KAT14: variants seen among roughly 807,000 people sequenced by gnomAD.
The protein encoded by KAT14 is cysteine-rich protein 2-binding protein.
KAT14 carries 66 observed loss-of-function variants against 78.4 expected under a neutral mutation model. That is an observed-to-expected ratio of 0.84 (90% CI 0.69 to 1.03). The LOEUF (loss-of-function observed/expected upper bound fraction) is 1.03. Among genes scored for constraint, KAT14 ranks in the 50% least tolerant of loss-of-function variants. The probability of loss-of-function intolerance (pLI) is 0.00; values close to 1 mark genes in which losing one functional copy is unlikely to be tolerated. For synonymous variants in KAT14, 344 were observed against 359.4 expected (o/e 0.96, Z 0.48); for missense variants, 870 against 972.5 (o/e 0.89, Z 1.40).
intron 2 of KAT14, among the ~76,000 whole-genome samples, chr20:18,144,940 T>A (rs2146349485): frequency 6.6e-6 from 1 of 152,344 alleles, no homozygotes; most frequent in Middle Eastern, 3.4e-3. Flanking sequence ...TGAAGAGACC[T>A]GCCTCTGGGA....
intron 4 of KAT14, among the ~76,000 whole-genome samples, chr20:18,157,688 A>G (rs2038273798): frequency 6.6e-6 from 1 of 152,182 alleles, no homozygotes; most frequent in African/African-American, 2.4e-5. Context: ...TACTTCATAT[A>G]TGTAGAACCA....
chr20:18,181,820 C>G lies in KAT14; in HGVS notation c.1779C>G (p.Thr593=). 6.2e-7 allele frequency: 1 copy of G among 1,614,106 alleles called. No homozygotes were observed. The highest frequency in any genetic ancestry group is 1.7e-5 in the Admixed American group (1 of 60,010). The stretch of plus-strand genomic sequence containing the variant: ...ACCAGAGTATTGTCAGCCCTTATAC[C>G]TCTCGGATCTTGAAACCTTATATCA... ...AVDQSIVSPY[T]SRILKPYIRR... Residue 593 remains threonine (T), a synonymous_variant, in exon 8 of 11, where the codon ACC becomes ACG. Coordinates refer to ENST00000688188, the MANE Select transcript of KAT14 (RefSeq NM_001392073.1).
chr20:18,151,385 C>T (rs558908043), intron 4 of KAT14, among the ~76,000 whole-genome samples: 7 of 151,870 alleles, frequency 4.6e-5, no homozygotes, highest in Admixed American at 1.3e-4. Context: ...TTAGTAGAGA[C>T]GGGGTTTCAC....
At chr20:18,145,469 T>G in intron 3 of KAT14, 118 bp downstream of exon 3, 1 of 1,410,412 alleles carries the variant, frequency 7.1e-7, no homozygotes, top group Non-Finnish European at 9.7e-7. Context: ...ACTTTTTATT[T>G]CGCAATGAAA....
chr20:18,161,477 A>C (rs975166213), intron 5 of KAT14, among the ~76,000 whole-genome samples: 24 of 152,168 alleles, frequency 1.6e-4, no homozygotes, highest in Non-Finnish European at 3.4e-4. Context: ...GCATTCATTG[A>C]ACATTTCTCT....
chr20:18,166,229 C>T (rs2038636014), intron 7 of KAT14, among the ~76,000 whole-genome samples: 2 of 152,210 alleles, frequency 1.3e-5, no homozygotes, highest in Admixed American at 6.5e-5. Flanking sequence ...CCCTTACGCA[C>T]TTGGGTCGTC....
At chr20:18,175,110 C>G (rs1467355403) in intron 7 of KAT14, among the ~76,000 whole-genome samples, 1 of 152,084 alleles carries the variant, frequency 6.6e-6, no homozygotes, top group Non-Finnish European at 1.5e-5. Context: ...ACCCTGTCAG[C>G]AAGTTTAGCA....
intron 7 of KAT14, among the ~76,000 whole-genome samples, chr20:18,170,784 G>A (rs1370162305): frequency 1.3e-5 from 2 of 152,112 alleles, no homozygotes; most frequent in Admixed American, 6.5e-5. Context: ...TGGTCCGCCC[G>A]CCTCGGCCTC....
intron 1 of KAT14, 23 bp from the exon 2 acceptor site, chr20:18,142,185 A>G: frequency 6.5e-7 from 1 of 1,533,772 alleles, no homozygotes; most frequent in South Asian, 1.2e-5. Flanking sequence ...GATGTTACTG[A>G]AATCTGTTTC....
Position 18,184,779 on chromosome 20 carries a change from A to G in KAT14, c.2159A>G (p.Tyr720Cys), listed in dbSNP as rs776227052. 30 of 1,606,646 alleles carry G rather than the reference A, an allele frequency of 1.9e-5. No individual in the cohort carries two copies. Among genetic ancestry groups the G allele is most frequent in the Non-Finnish European group, 2.4e-5 (28 of 1,177,532 alleles). ...RRAGIATFMI[Y>C]HLIQTCMGKD... Reference sequence around the variant, plus strand: ...GCAGGGATTGCAACTTTCATGATCTATCATCTGATTCAGGTAAGTTGTCTA... The same window carrying G: ...GCAGGGATTGCAACTTTCATGATCTGTCATCTGATTCAGGTAAGTTGTCTA... Residue 720 changes from tyrosine (Y) to cysteine (C), a missense_variant, in exon 10 of 11, where the codon TAT becomes TGT. Transcript: ENST00000688188.
rs910107426 is a variant in KAT14, at chr20:18,167,397, G to A, written c.1668+4452G>A. Among the ~76,000 whole-genome samples, 3 of 152,256 alleles carry A rather than the reference G, an allele frequency of 2.0e-5. No individual in the cohort carries two copies. In the East Asian group the frequency reaches 5.8e-4, roughly 29 times the overall value. ...TAGTGGGATTTTGGGAAGTAGTAAA[G>A]CTTTATATGCTTGTGTTTTAACCCA... On this transcript the variant is annotated intron_variant, in intron 7 of 10. Coordinates refer to ENST00000688188, the MANE Select transcript of KAT14 (RefSeq NM_001392073.1).
In KAT14 at chr20:18,137,966, G is replaced by T; in HGVS notation, c.-539G>T. 3 of 1,497,214 alleles carry T rather than the reference G, an allele frequency of 2.0e-6. No individual in the cohort carries two copies. The highest frequency in any genetic ancestry group is 2.7e-6 in the Non-Finnish European group (3 of 1,130,412). The allele number at this position is 1,497,214 out of a possible 1,614,324, so 92.7% of individuals were successfully genotyped here. A position where few individuals can be genotyped will look rare whatever the true frequency, so the allele number is the denominator to read the frequency against. On this transcript the variant is annotated 5_prime_UTR_variant, in exon 1 of 11. Coordinates refer to ENST00000688188, the MANE Select transcript of KAT14 (RefSeq NM_001392073.1). ...GCCGCCAGCGTGGGGATGTCTAGGA[G>T]CTCGAAGGTGGTGCTGGGCCTCTCG...
At position 18,142,267 on chromosome 20, in the gene KAT14, T is replaced by A. The variant is rs773157901; in HGVS notation, c.-394T>A. On this transcript the variant is annotated 5_prime_UTR_variant, in exon 2 of 11. Transcript: ENST00000688188. ...GGCAAATTCGGAAAAAAGAAAACAT[T>A]CGTCTTTTGGGAGAACAGATTATTT... The A allele has an allele frequency of 6.5e-7, 1 of 1,537,170 alleles. No individual in the cohort carries two copies. Among genetic ancestry groups the A allele is most frequent in the South Asian group, 1.2e-5 (1 of 84,058 alleles).
chr20:18,159,458 A>G (rs2038341734), intron 5 of KAT14, among the ~76,000 whole-genome samples, 193 bp downstream of exon 5: 1 of 152,240 alleles, frequency 6.6e-6, no homozygotes, highest in Non-Finnish European at 1.5e-5. Context: ...ATCACTTCCT[A>G]ATCAAGCTAT....
intron 2 of KAT14, 92 bp from the exon 3 acceptor site, chr20:18,145,141 G>A (rs1292362871): frequency 6.7e-7 from 1 of 1,485,596 alleles, no homozygotes; most frequent in African/African-American, 1.4e-5. Flanking sequence ...AGACAACATG[G>A]GAAAGGAAAA....
At chr20:18,158,463 C>T (rs1267375833) in intron 4 of KAT14, among the ~76,000 whole-genome samples, 4 of 152,138 alleles carry the variant, frequency 2.6e-5, no homozygotes, top group African/African-American at 9.7e-5. Context: ...AAAGAATTTC[C>T]GTTAGGGAAC....
intron 7 of KAT14, among the ~76,000 whole-genome samples, chr20:18,180,626 A>C (rs2039213045): frequency 1.3e-5 from 2 of 151,598 alleles, no homozygotes; most frequent in Admixed American, 1.3e-4. Context: ...GAAGAAAAGG[A>C]GGTTTAATTG....
At chr20:18,164,815 C>G (rs1367528430) in intron 7 of KAT14, among the ~76,000 whole-genome samples, 1 of 151,736 alleles carries the variant, frequency 6.6e-6, no homozygotes, top group East Asian at 1.9e-4. Flanking sequence ...TTAGTAGAGA[C>G]AGGGTCCTAC....
At chr20:18,143,260 C>G in intron 2 of KAT14, 2 of 806,420 alleles carry the variant, frequency 2.5e-6, no homozygotes, top group Non-Finnish European at 3.1e-6. Flanking sequence ...AATTCATGTT[C>G]AAGTTTATAA....
Sources: gnomAD v4.1 joint callset for allele counts (sites outside exome capture counted in the v4.1 genomes callset) on GRCh38, gnomAD v4.1.1 for gene constraint, MANE v1.5 for transcripts, NCBI Gene and HGNC (gene_info 2026-07-23, HGNC 2026-07-21) for gene names.